Variants in CPNE3 observed in about 807,000 individuals in gnomAD.
The protein encoded by CPNE3 is copine-3.
In CPNE3, 68 loss-of-function variants were observed where a neutral mutation model predicts 63.9. The observed-to-expected ratio is 1.06, with a 90% confidence interval of 0.87 to 1.30. The LOEUF (loss-of-function observed/expected upper bound fraction) is 1.30. Ranked by LOEUF, CPNE3 falls within the 50% of genes most tolerant of loss-of-function variation. The probability of loss-of-function intolerance (pLI) is 0.00; values close to 1 mark genes in which losing one functional copy is unlikely to be tolerated. For missense variants in CPNE3, 665 were observed against 578.1 expected, an observed-to-expected ratio of 1.15 and a Z score of -1.54; for synonymous variants, 219 against 197.5, an observed-to-expected ratio of 1.11 and a Z score of -0.91.
At position 86,531,230 on chromosome 8, in the gene CPNE3, G is replaced by C. The variant is rs753118449; in HGVS notation, c.387+1G>C. On this transcript the variant is annotated splice_donor_variant, in intron 5 of 16. Coordinates refer to ENST00000517490, the MANE Select transcript of CPNE3 (RefSeq NM_003909.5). LOFTEE classifies it high-confidence loss of function. The stretch of plus-strand genomic sequence containing the variant: ...ACCTGCAGGAAAAGGGAGCATTACG[G>C]TAAAAATAAGATATTTGTCTTTTGT... The C allele has an allele frequency of 1.8e-6, 2 of 1,113,492 alleles. No homozygotes were observed. Among genetic ancestry groups the C allele is most frequent in the South Asian group, 2.5e-5 (2 of 81,184 alleles). The allele number at this position is 1,113,492 out of a possible 1,614,324, so 69.0% of individuals were successfully genotyped here.
intron 2 of CPNE3, among the ~76,000 whole-genome samples, chr8:86,524,303 A>G (rs1820494072): frequency 1.3e-5 from 2 of 152,168 alleles, no homozygotes; most frequent in Admixed American, 1.3e-4. Context: ...AGATGCCTTA[A>G]ATTTCACATA....
chr8:86,521,639 A>C (rs1299177202), intron 2 of CPNE3: 2 of 152,142 alleles, frequency 1.3e-5, no homozygotes, highest in Admixed American at 6.5e-5. Flanking sequence ...TAGTGCTCTG[A>C]AGGGATTTTG....
intron 12 of CPNE3, among the ~76,000 whole-genome samples, chr8:86,550,454 C>T (rs1411367110): frequency 3.9e-5 from 6 of 152,010 alleles, no homozygotes; most frequent in South Asian, 2.1e-4. Context: ...GAATATTCCT[C>T]GTAGAAAAAT....
At chr8:86,529,857 T>A (rs1820630408) in intron 4 of CPNE3, among the ~76,000 whole-genome samples, 1 of 152,192 alleles carries the variant, frequency 6.6e-6, no homozygotes, top group East Asian at 1.9e-4. Flanking sequence ...ATATGTCTTT[T>A]ACAAGTTTAT....
chr8:86,540,258 A>G lies in CPNE3; in HGVS notation c.557A>G (p.Asn186Ser), dbSNP rs1458599831. The stretch of plus-strand genomic sequence containing the variant: ...ACATTTTTATAGGTTGTTAAAAACA[A>G]CTTGAATCCTGTTTGGAGGCCTTTC... Reference protein sequence around the residue: ...MVHRTEVVKNNLNPVWRPFKI... With the variant: ...MVHRTEVVKNSLNPVWRPFKI... Residue 186 changes from asparagine to serine, a missense_variant, in exon 8 of 17, where the codon AAC (asparagine) becomes AGC (serine). Transcript: ENST00000517490. 5 of 1,609,054 alleles carry G rather than the reference A, an allele frequency of 3.1e-6. No individual in the cohort carries two copies. Among genetic ancestry groups the G allele is most frequent in the Non-Finnish European group, 4.2e-6 (5 of 1,176,634 alleles).
At chr8:86,552,794 T>C (rs1345527158) in intron 14 of CPNE3, among the ~76,000 whole-genome samples, 3 of 151,450 alleles carry the variant, frequency 2.0e-5, no homozygotes, top group Non-Finnish European at 4.4e-5. Flanking sequence ...AATTAAGGAA[T>C]TGAAAGCTCT....
intron 9 of CPNE3, among the ~76,000 whole-genome samples, chr8:86,545,955 T>G (rs1345794656): frequency 6.6e-6 from 1 of 152,066 alleles, no homozygotes. Context: ...AGAGTAGCAG[T>G]GGAAGTTACA....
At chr8:86,546,144 A>C (rs1214718569) in intron 9 of CPNE3, among the ~76,000 whole-genome samples, 1 of 152,062 alleles carries the variant, frequency 6.6e-6, no homozygotes, top group Non-Finnish European at 1.5e-5. Context: ...GTTGGGCTTC[A>C]TATATTTGTT....
Position 86,546,674 on chromosome 8 carries a change from A to G in CPNE3, c.812A>G (p.Gln271Arg), listed in dbSNP as rs770058087. The G allele has an allele frequency of 3.1e-6, 5 of 1,606,958 alleles. No homozygotes were observed. The highest frequency in any genetic ancestry group is 4.2e-6 in the Non-Finnish European group (5 of 1,178,326). The part of the protein sequence containing the change: ...YKNSGVISVK[Q>R]CEITVECTFL... Reference sequence around the variant, plus strand: ...AATTCAGGTGTTATCAGTGTGAAACAGTGTGAGGTCCGTTGGCCTTGGCTA... The same window carrying G: ...AATTCAGGTGTTATCAGTGTGAAACGGTGTGAGGTCCGTTGGCCTTGGCTA... Residue 271 changes from glutamine (Q) to arginine (R), a missense_variant, in exon 10 of 17, where the codon CAG becomes CGG. Coordinates refer to ENST00000517490, the MANE Select transcript of CPNE3 (RefSeq NM_003909.5).
At chr8:86,552,445 A>G (rs1220062561) in intron 14 of CPNE3, among the ~76,000 whole-genome samples, 3 of 152,194 alleles carry the variant, frequency 2.0e-5, no homozygotes, top group Non-Finnish European at 4.4e-5. Context: ...GAAAGTGGAT[A>G]ATCTTTAGAA....
At chr8:86,533,718 C>A (rs887584279) in intron 6 of CPNE3, among the ~76,000 whole-genome samples, 1 of 151,948 alleles carries the variant, frequency 6.6e-6, no homozygotes, top group African/African-American at 2.4e-5. Context: ...TAATCTCTAC[C>A]CTTATCTACT....
At chr8:86,519,816 C>T (rs10100247) in intron 2 of CPNE3, among the ~76,000 whole-genome samples, 34,700 of 152,098 alleles carry the variant, frequency 0.23, 4,180 homozygotes, top group Non-Finnish European at 0.27. Flanking sequence ...CTGGTTCAAG[C>T]GATTCTCCTG....
intron 6 of CPNE3, among the ~76,000 whole-genome samples, chr8:86,534,228 A>T (rs1277348358): frequency 6.6e-6 from 1 of 152,068 alleles, no homozygotes; most frequent in South Asian, 2.1e-4. Context: ...TAGAAGTATG[A>T]TCTGCTGGCA....
intron 2 of CPNE3, among the ~76,000 whole-genome samples, chr8:86,527,579 A>C (rs1820567496): frequency 6.6e-6 from 1 of 152,282 alleles, no homozygotes; most frequent in Non-Finnish European, 1.5e-5. Flanking sequence ...CATTAGAATC[A>C]TCCAAGGAAC....
chr8:86,555,136 T>C (rs1821292749), intron 15 of CPNE3, 152 bp downstream of exon 15: 1 of 1,091,736 alleles, frequency 9.2e-7, no homozygotes, highest in Non-Finnish European at 1.3e-6. Flanking sequence ...TTTGTTGTTG[T>C]TATACTAGTG....
At chr8:86,542,858 A>G (rs954343486) in intron 8 of CPNE3, among the ~76,000 whole-genome samples, 4 of 152,044 alleles carry the variant, frequency 2.6e-5, no homozygotes, top group African/African-American at 9.7e-5. Flanking sequence ...TAAAAATATT[A>G]TTTACATTTC....
chr8:86,537,729 A>G lies in CPNE3; in HGVS notation c.543+83A>G, dbSNP rs1586838797. ...GAATTTTAAAAAGCTTATATTTATA[A>G]AAGTATCAATCTGAGTTCATACTTA... On this transcript the variant is annotated intron_variant, in intron 7 of 16. Coordinates refer to ENST00000517490, the MANE Select transcript of CPNE3 (RefSeq NM_003909.5). 3 of 839,446 alleles carry G rather than the reference A, an allele frequency of 3.6e-6. No individual in the cohort carries two copies. In the East Asian group the frequency reaches 7.8e-5, roughly 22 times the overall value. 52.0% of individuals were successfully genotyped at this position (839,446 alleles called of 1,614,324 possible). A position where few individuals can be genotyped will look rare whatever the true frequency, so the allele number is the denominator to read the frequency against.
At chr8:86,537,987 TCA>T (rs34109843) in intron 7 of CPNE3, among the ~76,000 whole-genome samples, 40 of 142,294 alleles carry the variant, frequency 2.8e-4, no homozygotes, top group South Asian at 8.5e-4. Flanking sequence ...TCTCTCTCTC[TCA>T]CACACACACA....
intron 14 of CPNE3, among the ~76,000 whole-genome samples, chr8:86,552,850 T>C (rs1182930201): frequency 6.8e-6 from 1 of 147,040 alleles, no homozygotes; most frequent in East Asian, 2.0e-4. Context: ...TTTTTTTTTT[T>C]TTTTTCGAGA....
Sources: allele counts gnomAD v4.1 joint callset (sites outside exome capture counted in the v4.1 genomes callset), GRCh38; gene constraint gnomAD v4.1.1; transcripts MANE v1.5; gene names NCBI Gene and HGNC (gene_info 2026-07-23, HGNC 2026-07-21).